PCDHA13: variants seen among roughly 807,000 people sequenced by gnomAD.
PCDHA13 encodes the protein protocadherin alpha-13.
PCDHA13 carries 54 observed loss-of-function variants against 64.8 expected under a neutral mutation model. The ratio of observed to expected loss-of-function variants is 0.83; its 90% CI spans 0.67 to 1.04. The LOEUF is 1.04. PCDHA13 is among the 50% of genes least tolerant of loss of function. The pLI is 0.00. For missense variants in PCDHA13, 1,248 were observed against 1,254.3 expected (o/e 0.99, Z 0.08); for synonymous variants, 587 against 564.4 (o/e 1.04, Z -0.57).
chr5:140,938,760 T>C (rs574872397), intron 1 of PCDHA13, among the ~76,000 whole-genome samples: 2 of 152,286 alleles, frequency 1.3e-5, no homozygotes, highest in Admixed American at 1.3e-4. Flanking sequence ...GCATAGTTAT[T>C]GGGTACTAGA....
chr5:140,992,757 G>A (rs1345373474), intron 3 of PCDHA13, among the ~76,000 whole-genome samples: 2 of 152,110 alleles, frequency 1.3e-5, no homozygotes, highest in Non-Finnish European at 2.9e-5. Context: ...CCTGTGTTGG[G>A]GATAGGAGGG....
At chr5:140,966,845 C>A in intron 1 of PCDHA13, 1 of 1,570,444 alleles carries the variant, frequency 6.4e-7, no homozygotes, top group Non-Finnish European at 8.6e-7. Flanking sequence ...GCTGCTACTG[C>A]CTCTCCTGCT....
In PCDHA13 at chr5:140,884,054, G is replaced by A. The variant is rs1313975286; in HGVS notation, c.1786G>A (p.Ala596Thr). Residue 596 changes from alanine (A) to threonine (T), a missense_variant, in exon 1 of 4, where the codon GCG becomes ACG. Coordinates refer to ENST00000289272, the MANE Select transcript of PCDHA13 (RefSeq NM_018904.3). ...AGGCCACGTGGTGGCGAAGGTGCGC[G>A]CGGTGGACGCCGATTCGGGCTACAA... ...GAGHVVAKVR[A>T]VDADSGYNAW... 1 of 1,613,390 alleles carries A rather than the reference G, an allele frequency of 6.2e-7. No homozygotes were observed. The highest frequency in any genetic ancestry group is 8.5e-7 in the Non-Finnish European group (1 of 1,179,760).
At chr5:140,905,958 G>T (rs1554192269) in intron 1 of PCDHA13, among the ~76,000 whole-genome samples, 1 of 152,184 alleles carries the variant, frequency 6.6e-6, no homozygotes, top group Non-Finnish European at 1.5e-5. Context: ...GATGTTCAAG[G>T]GGAGGAAGAT....
At chr5:140,957,912 T>A (rs570961362) in intron 1 of PCDHA13, among the ~76,000 whole-genome samples, 1 of 152,256 alleles carries the variant, frequency 6.6e-6, no homozygotes, top group Non-Finnish European at 1.5e-5. Context: ...CATATTGTTA[T>A]CTATGTATCA....
At chr5:140,886,742 C>T (rs2061110620) in intron 1 of PCDHA13, among the ~76,000 whole-genome samples, 1 of 149,008 alleles carries the variant, frequency 6.7e-6, no homozygotes, top group Non-Finnish European at 1.5e-5. Flanking sequence ...AAGAGAATTG[C>T]TTGAACCCGG....
chr5:140,929,185 GATA>G (rs1393626283), intron 1 of PCDHA13: 12 of 1,614,168 alleles, frequency 7.4e-6, no homozygotes, highest in Non-Finnish European at 1.0e-5. Flanking sequence ...ACTTGGTTCT[GATA>G]ATAACAGTTT....
At chr5:141,006,774 A>G (rs1435816376) in intron 3 of PCDHA13, among the ~76,000 whole-genome samples, 8 of 152,172 alleles carry the variant, frequency 5.3e-5, no homozygotes, top group Admixed American at 3.3e-4. Flanking sequence ...AGAATAGAGA[A>G]AAATGAATAA....
chr5:140,884,352 A>C lies in PCDHA13; in HGVS notation c.2084A>C (p.Asp695Ala). 6.2e-7 allele frequency: 1 copy of C among 1,613,828 alleles called. No individual in the cohort carries two copies. Among genetic ancestry groups the C allele is most frequent in the African/African-American group, 1.3e-5 (1 of 75,012 alleles). Residue 695 changes from aspartate (D) to alanine (A), a missense_variant, in exon 1 of 4, where the codon GAT (aspartate) becomes GCT (alanine). Transcript: ENST00000289272. ...GAVGPEAALV[D>A]VNVYLIIAIC... is the part of the protein sequence containing the mutation. ...GTGGGTCCAGAAGCGGCGCTGGTGGATGTCAATGTTTACTTGATCATTGCC... is the reference window on the plus strand; with the variant it reads ...GTGGGTCCAGAAGCGGCGCTGGTGGCTGTCAATGTTTACTTGATCATTGCC...
At chr5:140,905,878 C>T (rs1187937436) in intron 1 of PCDHA13, among the ~76,000 whole-genome samples, 2 of 152,054 alleles carry the variant, frequency 1.3e-5, no homozygotes, top group African/African-American at 2.4e-5. Flanking sequence ...CAAGGCCCAA[C>T]AATAGGCCAT....
chr5:140,923,924 T>C (rs968133405), intron 1 of PCDHA13, among the ~76,000 whole-genome samples: 15 of 152,220 alleles, frequency 9.9e-5, no homozygotes. Context: ...TACTGTTCTC[T>C]GTATGCATTT....
At chr5:140,976,894 CAGT>C (rs1199753516) in intron 1 of PCDHA13, among the ~76,000 whole-genome samples, 1 of 152,132 alleles carries the variant, frequency 6.6e-6, no homozygotes, top group African/African-American at 2.4e-5. Context: ...ATACATGCAA[CAGT>C]ATGTAATAAA....
intron 1 of PCDHA13, among the ~76,000 whole-genome samples, chr5:140,894,750 TTGTG>T (rs2064648260): frequency 6.6e-6 from 1 of 152,080 alleles, no homozygotes; most frequent in Admixed American, 6.5e-5. Context: ...ATTTTTTTTC[TTGTG>T]TGTATTTATT....
chr5:141,010,438 CAAAT>C lies in PCDHA13; in HGVS notation c.*505_*508del, dbSNP rs2098417279. On this transcript the variant is annotated 3_prime_UTR_variant, in exon 4 of 4. Transcript: ENST00000289272. ...TACAAGGAAGGCAAGAAAACAAAGA[CAAAT>C]AAACAGCGGAAGTTATCAGTATGGA... 2.0e-6 allele frequency: 2 copies of C among 998,926 alleles called. No homozygotes were observed. The highest frequency in any genetic ancestry group is 2.8e-6 in the Non-Finnish European group (2 of 704,790). The allele number at this position is 998,926 out of a possible 1,614,324, so 61.9% of individuals were successfully genotyped here.
chr5:140,953,670 T>C (rs2094923970), intron 1 of PCDHA13, among the ~76,000 whole-genome samples: 1 of 152,212 alleles, frequency 6.6e-6, no homozygotes, highest in Non-Finnish European at 1.5e-5. Flanking sequence ...TGGAAGGGTC[T>C]GTTTATTATG....
intron 1 of PCDHA13, among the ~76,000 whole-genome samples, chr5:140,915,441 A>G (rs2077120331): frequency 6.6e-6 from 1 of 152,052 alleles, no homozygotes; most frequent in African/African-American, 2.4e-5. Context: ...GTCCTTCTTG[A>G]GAAGGTTTTC....
Position 140,884,490 on chromosome 5 carries a change from G to A in PCDHA13, c.2222G>A (p.Cys741Tyr), listed in dbSNP as rs2060210547. The A allele has an allele frequency of 6.2e-7, 1 of 1,614,064 alleles. No homozygotes were observed. The highest frequency in any genetic ancestry group is 8.5e-7 in the Non-Finnish European group (1 of 1,179,986). The change falls in exon 1 of 4, where the codon TGC becomes TAC. Residue 741 changes from cysteine to tyrosine, a missense_variant. By Grantham distance (194) the Cys-to-Tyr change is radical (BLOSUM62 -2). Coordinates refer to ENST00000289272, the MANE Select transcript of PCDHA13 (RefSeq NM_018904.3). Reference protein sequence around the residue: ...ACAPGKPTLVCSSAAGSWSYS... With the variant: ...ACAPGKPTLVYSSAAGSWSYS... ...GCGCCGGGCAAGCCCACTCTAGTGT[G>A]CTCCAGCGCGGCAGGGAGTTGGTCG... is the stretch of plus-strand genomic sequence containing the variant.
rs115795241 is a variant in PCDHA13, at chr5:140,931,728, G to A, written c.2394+47066G>A. 2.8e-3 allele frequency among the ~76,000 whole-genome samples: 427 copies of A among 151,850 alleles called. 1 individual carries two copies. The highest frequency in any genetic ancestry group is 4.4e-3 in the Non-Finnish European group (297 of 67,780). ...GAATAAAATAACTTCTATAAATATGGGGTATTTGTAATTCACAAAGGCATT... is the reference window on the plus strand; with the variant it reads ...GAATAAAATAACTTCTATAAATATGAGGTATTTGTAATTCACAAAGGCATT... On this transcript the variant is annotated intron_variant, in intron 1 of 3. Coordinates refer to ENST00000289272, the MANE Select transcript of PCDHA13 (RefSeq NM_018904.3).
intron 3 of PCDHA13, among the ~76,000 whole-genome samples, chr5:141,005,884 T>G (rs1554260408): frequency 6.6e-6 from 1 of 151,862 alleles, no homozygotes; most frequent in Non-Finnish European, 1.5e-5. Flanking sequence ...GAGTTTGAGG[T>G]TACATCAAGC....
Sources: gnomAD v4.1 joint callset for allele counts (sites outside exome capture counted in the v4.1 genomes callset) on GRCh38, gnomAD v4.1.1 for gene constraint, MANE v1.5 for transcripts, NCBI Gene and HGNC (gene_info 2026-07-23, HGNC 2026-07-21) for gene names.